PPP2R2C: variants seen among roughly 807,000 people sequenced by gnomAD.
PPP2R2C encodes protein phosphatase 2, regulatory subunit B, gamma.
A neutral mutation model predicts 45.3 loss-of-function variants in PPP2R2C; 10 were observed. The ratio of observed to expected loss-of-function variants is 0.22; its 90% confidence interval spans 0.14 to 0.37. The LOEUF is 0.37. Among genes scored for constraint, PPP2R2C ranks in the 10% least tolerant of loss-of-function variants. The pLI, the probability that PPP2R2C is intolerant of heterozygous loss-of-function variation, is 1.00. For missense variants in PPP2R2C, 308 were observed against 619.7 expected (o/e 0.50, Z 5.34); for synonymous variants, 257 against 245.4 (o/e 1.05, Z -0.44).
chr4:6,472,022 G>C, intron 1 of PPP2R2C, 138 bp downstream of exon 1: 1 of 1,057,788 alleles, frequency 9.5e-7, no homozygotes, highest in Non-Finnish European at 1.3e-6. Context: ...GGGTGGGGTG[G>C]GGTGGGATGG....
At chr4:6,346,427 C>T (rs1038486468) in intron 6 of PPP2R2C, among the ~76,000 whole-genome samples, 4 of 152,172 alleles carry the variant, frequency 2.6e-5, no homozygotes, top group African/African-American at 4.8e-5. Context: ...TTCAGGGAGG[C>T]CCTCCCTGAC....
intron 1 of PPP2R2C, among the ~76,000 whole-genome samples, chr4:6,397,699 C>T (rs766453177): frequency 2.0e-5 from 3 of 152,226 alleles, no homozygotes; most frequent in Non-Finnish European, 2.9e-5. Context: ...CCTCAGTTAC[C>T]TGGGAAAGTT....
Position 6,517,691 on chromosome 4 carries a change from C to A in PPP2R2C, c.49+17580G>T, listed in dbSNP as rs975876042. On this transcript the variant is annotated intron_variant, in intron 2 of 9. Transcript: ENST00000506140. ...GAAATGCATCCCCTCCCCTGATGCA[C>A]CTCTTCCTTTCATTTATCATTTCAA... is the stretch of plus-strand genomic sequence containing the variant. 2.6e-5 allele frequency among the ~76,000 whole-genome samples: 4 copies of A among 152,324 alleles called. No individual in the cohort carries two copies. The East Asian group carries it at 7.7e-4, about 29-fold the overall frequency.
chr4:6,479,066 C>T (rs1002539594), intron 2 of PPP2R2C, among the ~76,000 whole-genome samples: 1 of 152,190 alleles, frequency 6.6e-6, no homozygotes, highest in Non-Finnish European at 1.5e-5. Flanking sequence ...GCTGCTAATA[C>T]GTTGCACTAT....
intron 1 of PPP2R2C, among the ~76,000 whole-genome samples, chr4:6,415,566 C>T (rs994594122): frequency 1.1e-4 from 17 of 152,162 alleles, no homozygotes; most frequent in Admixed American, 6.5e-5. Context: ...ACTCAGAGGA[C>T]GGCCCTCACC....
At chr4:6,464,457 C>T (rs1360109155) in intron 1 of PPP2R2C, among the ~76,000 whole-genome samples, 1 of 152,200 alleles carries the variant, frequency 6.6e-6, no homozygotes, top group Non-Finnish European at 1.5e-5. Flanking sequence ...GTCCACATTT[C>T]AAGGCAGACA....
intron 6 of PPP2R2C, among the ~76,000 whole-genome samples, chr4:6,334,449 GAGGAC>G (rs1732676341): frequency 6.6e-6 from 1 of 152,158 alleles, no homozygotes; most frequent in African/African-American, 2.4e-5. Flanking sequence ...AGTGGGCAAT[GAGGAC>G]TCCCCAGACA....
At position 6,411,554 on chromosome 4, in the gene PPP2R2C, C is replaced by CTT. The variant is rs34210845; in HGVS notation, c.71-30462_71-30461dup. 5.9e-4 allele frequency among the ~76,000 whole-genome samples: 81 copies of CTT among 136,256 alleles called. 1 individual carries two copies. The highest frequency in any genetic ancestry group is 3.9e-3 in the Middle Eastern group (1 of 254). 89.4% of individuals were successfully genotyped at this position (136,256 alleles called of 152,430 possible). A position where few individuals can be genotyped will look rare whatever the true frequency, so the allele number is the denominator to read the frequency against. ...TGTACTCCACCCTGACTTTTCATTT[C>CTT]TTTTTTTTTTTTTTTTGAGAGGGAG... is the stretch of plus-strand genomic sequence containing the variant. On this transcript the variant is annotated intron_variant, in intron 1 of 8. Coordinates refer to ENST00000382599, the MANE Select transcript of PPP2R2C (RefSeq NM_020416.4).
intron 1 of PPP2R2C, among the ~76,000 whole-genome samples, chr4:6,415,691 G>A (rs1420040565): frequency 2.0e-5 from 3 of 152,214 alleles, no homozygotes; most frequent in Non-Finnish European, 2.9e-5. Context: ...TCCTGCAGAA[G>A]CGGGCAGCAG....
intron 2 of PPP2R2C, among the ~76,000 whole-genome samples, chr4:6,490,157 C>G (rs1158430767): frequency 2.0e-5 from 3 of 152,334 alleles, no homozygotes; most frequent in South Asian, 2.1e-4. Flanking sequence ...AGGCCTGATG[C>G]TCATCCCCAC....
chr4:6,439,978 T>A (rs193195774), intron 1 of PPP2R2C, among the ~76,000 whole-genome samples: 4 of 152,286 alleles, frequency 2.6e-5, no homozygotes, highest in East Asian at 1.9e-4. Context: ...TGCTAAGCTC[T>A]TAAAACCACC....
intron 1 of PPP2R2C, among the ~76,000 whole-genome samples, chr4:6,561,961 C>T (rs1329834026): frequency 6.6e-6 from 1 of 152,222 alleles, no homozygotes; most frequent in Admixed American, 6.5e-5. Flanking sequence ...ATTTGCCAAG[C>T]ACAGTCAGTG....
intron 1 of PPP2R2C, among the ~76,000 whole-genome samples, chr4:6,406,742 G>C (rs1214962834): frequency 6.6e-6 from 1 of 151,948 alleles, no homozygotes; most frequent in Non-Finnish European, 1.5e-5. Context: ...GGGAAACAGG[G>C]AAAAACTCTG....
chr4:6,360,297 C>G (rs1364563281), intron 5 of PPP2R2C, among the ~76,000 whole-genome samples: 1 of 152,234 alleles, frequency 6.6e-6, no homozygotes, highest in Non-Finnish European at 1.5e-5. Context: ...ATTTCCACAC[C>G]ATCTGCAGCT....
chr4:6,548,031 A>G (rs1725050795), intron 1 of PPP2R2C, among the ~76,000 whole-genome samples: 1 of 152,110 alleles, frequency 6.6e-6, no homozygotes, highest in Non-Finnish European at 1.5e-5. Flanking sequence ...CAGCCTGGCC[A>G]ACGTGGTGAA....
At position 6,472,184 on chromosome 4, in the gene PPP2R2C, G is replaced by T. The variant is rs1339506934; in HGVS notation, c.46C>A (p.Arg16=). The part of the protein sequence containing the change: ...DTRKINHSFL[R]DHSYVTEADI... ...CCTTCAGTCACATAGCTGTGGTCCC[G>T]CAGGAAGCTGTGGTTAATTTTCCGC... Residue 16 remains arginine (R), a synonymous_variant, in exon 1 of 9, where the codon CGG becomes AGG. Transcript: ENST00000382599. 2 of 1,613,484 alleles carry T rather than the reference G, an allele frequency of 1.2e-6. No homozygotes were observed. Among genetic ancestry groups the T allele is most frequent in the Non-Finnish European group, 1.7e-6 (2 of 1,179,558 alleles).
At position 6,330,450 on chromosome 4, in the gene PPP2R2C, AAGCTGATATAC is replaced by A. The variant is rs1484555106; in HGVS notation, c.961-1108_961-1098del. ...CATTTTGTAGGGGAGGTTAACATTT[AAGCTGATATAC>A]TGAGTAAAGCAGGCTGCCCTCCATC... On this transcript the variant is annotated intron_variant, in intron 7 of 8. Transcript: ENST00000382599. The surrounding 1 kb of genome is among the most constrained non-coding windows in gnomAD (Gnocchi z 7.0). Among the ~76,000 whole-genome samples the A allele has an allele frequency of 1.3e-5, 2 of 152,176 alleles. No homozygotes were observed. The highest frequency in any genetic ancestry group is 2.9e-5 in the Non-Finnish European group (2 of 68,038).
At chr4:6,456,933 T>C (rs1721072719) in intron 1 of PPP2R2C, among the ~76,000 whole-genome samples, 1 of 151,976 alleles carries the variant, frequency 6.6e-6, no homozygotes, top group African/African-American at 2.4e-5. Flanking sequence ...ATGAGCCAGG[T>C]GCGGTGGCTT....
At chr4:6,344,826 T>C (rs1251576068) in intron 6 of PPP2R2C, among the ~76,000 whole-genome samples, 3 of 152,184 alleles carry the variant, frequency 2.0e-5, no homozygotes, top group African/African-American at 7.2e-5. Context: ...GCATTAAAAA[T>C]TCTTCTAAAA....
Sources: allele counts gnomAD v4.1 joint callset (sites outside exome capture counted in the v4.1 genomes callset), GRCh38; gene constraint gnomAD v4.1.1; non-coding constraint Gnocchi (gnomAD v3.1); transcripts MANE v1.5; gene names NCBI Gene and HGNC (gene_info 2026-07-23, HGNC 2026-07-21).